Variants in MBD5 observed in about 807,000 individuals in gnomAD.
The protein encoded by MBD5 is methyl-CpG-binding domain protein 5.
MBD5 carries 13 observed loss-of-function variants against 117.3 expected under a neutral mutation model. The ratio of observed to expected loss-of-function variants is 0.11; its 90% CI spans 0.07 to 0.18. MBD5 has a LOEUF of 0.18. Ranked by LOEUF, MBD5 falls within the 10% of genes least tolerant of loss-of-function variation. MBD5 has a pLI of 1.00. For missense variants in MBD5, 1,879 were observed against 2,093.8 expected (o/e 0.90, Z 2.00); for synonymous variants, 727 against 766.4 (o/e 0.95, Z 0.85).
rs1680691894 is a variant in MBD5 at position 148,468,989 on chromosome 2, A to G, written c.1046A>G (p.Lys349Arg). The G allele has an allele frequency of 6.2e-7, 1 of 1,613,746 alleles. No homozygotes were observed. Among genetic ancestry groups the G allele is most frequent in the African/African-American group, 1.3e-5 (1 of 74,842 alleles). ...PPPPSCALQKKPLTSEKDPLG... is the reference protein window; with the variant it reads ...PPPPSCALQKRPLTSEKDPLG... ...CCACCTTCTTGTGCTCTTCAGAAAAAGCCATTAACATCTGAGAAAGATCCA... is the reference window on the plus strand; with the variant it reads ...CCACCTTCTTGTGCTCTTCAGAAAAGGCCATTAACATCTGAGAAAGATCCA... The change falls in exon 8 of 14, where the codon AAG (lysine) becomes AGG (arginine). Residue 349 changes from lysine (K) to arginine (R), a missense_variant. By Grantham distance (26) the Lys-to-Arg change is conservative. Transcript: ENST00000642680.
At chr2:148,109,864 TATATGGTTAA>T (rs1346691620) in intron 1 of MBD5, among the ~76,000 whole-genome samples, 4 of 152,166 alleles carry the variant, frequency 2.6e-5, no homozygotes, top group Non-Finnish European at 5.9e-5. Flanking sequence ...CTCAATAAGT[TATATGGTTAA>T]AATTATTTTG....
chr2:148,483,182 T>C lies in MBD5; in HGVS notation c.2591T>C (p.Val864Ala), dbSNP rs898706165. ...NHPAITKTTS[V>A]LQDGVIVTTA... ...CCTGCCATCACAAAGACAACATCTG[T>C]TCTTCAAGATGGCGTCATAGTCACC... Residue 864 changes from valine (V) to alanine (A), a missense_variant, in exon 9 of 14, where the codon GTT becomes GCT. By Grantham distance (64) the Val-to-Ala change is moderately conservative. This residue lies in a region of MBD5 where 1,666 missense variants were observed against 1,792.2 expected (regional missense o/e 0.93). Coordinates refer to ENST00000642680, the MANE Select transcript of MBD5 (RefSeq NM_001378120.1). The C allele has an allele frequency of 1.2e-6, 2 of 1,613,914 alleles. No individual in the cohort carries two copies. The highest frequency in any genetic ancestry group is 2.7e-5 in the African/African-American group (2 of 74,980).
chr2:148,213,334 AAATTT>A (rs1699476288), intron 2 of MBD5, among the ~76,000 whole-genome samples: 2 of 152,308 alleles, frequency 1.3e-5, no homozygotes, highest in South Asian at 4.1e-4. Flanking sequence ...TTATATCATT[AAATTT>A]ATTTTAAATA....
At chr2:148,280,131 C>CAAAAAAAAAAAAAAAAAAAA (rs3076398) in intron 3 of MBD5, among the ~76,000 whole-genome samples, 10 of 91,886 alleles carry the variant, frequency 1.1e-4, no homozygotes, top group East Asian at 3.4e-4. Context: ...AAACTAACTG[C>CAAAAAAAAAAAAAAAAAAAA]AAAAAAAAAA....
intron 3 of MBD5, among the ~76,000 whole-genome samples, chr2:148,331,084 A>G (rs1007802332): frequency 2.0e-5 from 3 of 152,186 alleles, no homozygotes; most frequent in Non-Finnish European, 4.4e-5. Context: ...TATCTGCTAT[A>G]TGCTAGCTTC....
intron 4 of MBD5, among the ~76,000 whole-genome samples, chr2:148,389,183 C>T (rs1377073957): frequency 5.5e-5 from 4 of 72,292 alleles, no homozygotes; most frequent in African/African-American, 5.8e-5. Flanking sequence ...CATAGTATTC[C>T]GTGGTGTGTG....
chr2:148,508,413 A>G (rs1682110518), intron 12 of MBD5, among the ~76,000 whole-genome samples: 1 of 152,328 alleles, frequency 6.6e-6, no homozygotes, highest in African/African-American at 2.4e-5. Context: ...GTGTTTAAAA[A>G]AAAACACACA....
intron 3 of MBD5, among the ~76,000 whole-genome samples, chr2:148,300,945 C>T (rs971751463): frequency 2.6e-5 from 4 of 152,328 alleles, no homozygotes; most frequent in Admixed American, 6.5e-5. Context: ...GCATGCTGCA[C>T]GCTCCTTTCC....
chr2:148,319,015 C>G (rs1702223397), intron 3 of MBD5, among the ~76,000 whole-genome samples: 1 of 152,128 alleles, frequency 6.6e-6, no homozygotes, highest in African/African-American at 2.4e-5. Flanking sequence ...TGCACCCAGC[C>G]TCTCAGTGTA....
intron 4 of MBD5, among the ~76,000 whole-genome samples, chr2:148,403,696 C>T (rs903670344): frequency 6.6e-6 from 1 of 152,088 alleles, no homozygotes; most frequent in Non-Finnish European, 1.5e-5. Flanking sequence ...CAGAATATAT[C>T]GATACAATGC....
chr2:148,401,130 C>T (rs990927952), intron 4 of MBD5, among the ~76,000 whole-genome samples: 2 of 152,144 alleles, frequency 1.3e-5, no homozygotes, highest in African/African-American at 4.8e-5. Context: ...ATGTCTAGAG[C>T]ATTTTTCATA....
intron 1 of MBD5, among the ~76,000 whole-genome samples, chr2:148,110,296 A>G (rs545683432): frequency 6.6e-6 from 1 of 152,214 alleles, no homozygotes; most frequent in East Asian, 1.9e-4. Flanking sequence ...TTGTTTCTTG[A>G]TTTGTCTAAA....
chr2:148,327,240 C>T (rs572605909), intron 3 of MBD5, among the ~76,000 whole-genome samples: 2 of 152,094 alleles, frequency 1.3e-5, no homozygotes, highest in Admixed American at 6.5e-5. Flanking sequence ...TTGAGGGTAG[C>T]CTGACCTTTC....
intron 1 of MBD5, among the ~76,000 whole-genome samples, chr2:148,035,897 CA>C (rs1694183166): frequency 6.6e-6 from 1 of 152,078 alleles, no homozygotes; most frequent in South Asian, 2.1e-4. Flanking sequence ...ATGCCTGGTT[CA>C]TGCTAAGTGA....
At chr2:148,427,975 G>T (rs1339440214) in intron 4 of MBD5, among the ~76,000 whole-genome samples, 2 of 152,042 alleles carry the variant, frequency 1.3e-5, no homozygotes, top group Non-Finnish European at 2.9e-5. Flanking sequence ...ATTCAACATA[G>T]TATTGGAAGT....
chr2:148,364,796 C>T (rs556980594), intron 4 of MBD5, among the ~76,000 whole-genome samples: 5 of 152,260 alleles, frequency 3.3e-5, no homozygotes, highest in Admixed American at 2.0e-4. Flanking sequence ...AGCTAACTAT[C>T]CTAAATATAT....
chr2:148,276,315 A>T (rs952636207), intron 3 of MBD5, among the ~76,000 whole-genome samples: 6 of 152,166 alleles, frequency 3.9e-5, no homozygotes, highest in Non-Finnish European at 7.4e-5. Context: ...GTAAGACCCT[A>T]TCTAAAATAA....
intron 3 of MBD5, among the ~76,000 whole-genome samples, chr2:148,246,531 G>A (rs1175785484): frequency 6.6e-6 from 1 of 152,102 alleles, no homozygotes; most frequent in East Asian, 1.9e-4. Flanking sequence ...AGCACTTTGG[G>A]AGACTGAGGC....
At chr2:148,260,944 C>T (rs1166914177) in intron 3 of MBD5, among the ~76,000 whole-genome samples, 1 of 152,180 alleles carries the variant, frequency 6.6e-6, no homozygotes, top group African/African-American at 2.4e-5. Context: ...CTTTGTACAT[C>T]TCCATCACAG....
Sources: allele counts gnomAD v4.1 joint callset (sites outside exome capture counted in the v4.1 genomes callset), GRCh38; gene constraint gnomAD v4.1.1; regional missense constraint gnomAD v4.1.1; transcripts MANE v1.5; gene names NCBI Gene and HGNC (gene_info 2026-07-23, HGNC 2026-07-21).